RIC3: variants seen among roughly 807,000 people sequenced by gnomAD.
RIC3 encodes protein RIC-3.
A neutral mutation model predicts 27.3 loss-of-function variants in RIC3; 28 were observed. The observed-to-expected ratio is 1.02, with a 90% confidence interval of 0.76 to 1.41. The LOEUF (loss-of-function observed/expected upper bound fraction) is 1.41. RIC3 is among the 40% of genes most tolerant of loss of function. The probability of loss-of-function intolerance (pLI) is 0.00; values close to 1 mark genes in which losing one functional copy is unlikely to be tolerated. For missense variants in RIC3, 501 were observed against 444.7 expected (o/e 1.13, Z -1.14); for synonymous variants, 184 against 160.4 (o/e 1.15, Z -1.11).
At chr11:8,113,383 C>T (rs548474158) in intron 5 of RIC3, among the ~76,000 whole-genome samples, 2 of 152,302 alleles carry the variant, frequency 1.3e-5, no homozygotes, top group South Asian at 2.1e-4. Flanking sequence ...AGTCATAATG[C>T]CTGCACCCAC....
At chr11:8,135,261 T>C (rs537271607) in intron 4 of RIC3, among the ~76,000 whole-genome samples, 1 of 152,356 alleles carries the variant, frequency 6.6e-6, no homozygotes, top group African/African-American at 2.4e-5. Context: ...ATTTCTTGTT[T>C]TTGTCAGGTT....
At position 8,106,556 on chromosome 11, in the gene RIC3, C is replaced by G. The variant is rs905703642; in HGVS notation, c.*4142G>C. 6.6e-6 allele frequency: 1 copy of G among 152,286 alleles called. No individual in the cohort carries two copies. The highest frequency in any genetic ancestry group is 1.5e-5 in the Non-Finnish European group (1 of 68,092). The allele number at this position is 152,286 out of a possible 1,614,324, so 9.4% of individuals were successfully genotyped here. ...AGGGGCTGGTGGTTCCTCAGTATCC[C>G]CTGTGGGCCTGGCCTTAGGAAGAGA... On this transcript the variant is annotated 3_prime_UTR_variant, in exon 6 of 6. Transcript: ENST00000309737.
chr11:8,125,116 T>C (rs1285075972), intron 5 of RIC3, among the ~76,000 whole-genome samples: 2 of 151,858 alleles, frequency 1.3e-5, no homozygotes, highest in Admixed American at 6.6e-5. Flanking sequence ...TAGCCAGGCA[T>C]GGTGGCAGGC....
At chr11:8,125,239 G>C (rs986159419) in intron 5 of RIC3, among the ~76,000 whole-genome samples, 9 of 147,134 alleles carry the variant, frequency 6.1e-5, no homozygotes, top group African/African-American at 1.8e-4. Context: ...GGGTGACAGA[G>C]CAAGACTCTG....
the RIC3 span, chr11:8,097,209 C>T: frequency 6.2e-7 from 1 of 1,613,530 alleles, no homozygotes; most frequent in South Asian, 1.1e-5. Flanking sequence ...GCTCAGGCAC[C>T]TATTCTGCAT....
chr11:8,153,146 G>A (rs947411163), intron 1 of RIC3, among the ~76,000 whole-genome samples: 8 of 152,158 alleles, frequency 5.3e-5, no homozygotes, highest in Non-Finnish European at 1.0e-4. Context: ...GGGATTTGGA[G>A]AGCAATGGAA....
chr11:8,098,355 G>A, the RIC3 span, among the ~76,000 whole-genome samples: 4 of 152,134 alleles, frequency 2.6e-5, no homozygotes, highest in Admixed American at 6.5e-5. Context: ...TGGAGATGGG[G>A]CTGGACTGAG....
At chr11:8,097,491 T>C in the RIC3 span, 1 of 1,602,202 alleles carries the variant, frequency 6.2e-7, no homozygotes, top group Non-Finnish European at 8.5e-7. Context: ...GGGGCTGAAA[T>C]GTGACTGGAA....
the RIC3 span, among the ~76,000 whole-genome samples, chr11:8,098,106 G>A: frequency 1.3e-5 from 2 of 152,150 alleles, no homozygotes; most frequent in East Asian, 1.9e-4. Flanking sequence ...CACTGATAAC[G>A]CAGGCCACCA....
At chr11:8,111,343 A>G (rs1945242262) in intron 5 of RIC3, among the ~76,000 whole-genome samples, 1 of 152,216 alleles carries the variant, frequency 6.6e-6, no homozygotes, top group Admixed American at 6.5e-5. Context: ...TTGAAATACA[A>G]ACTAATTCAG....
intron 5 of RIC3, among the ~76,000 whole-genome samples, chr11:8,122,382 T>C: frequency 6.6e-6 from 1 of 152,076 alleles, no homozygotes; most frequent in East Asian, 1.9e-4. Flanking sequence ...CTCAGCATAA[T>C]TCTCTGGAAA....
At chr11:8,117,325 A>G (rs532367347) in intron 5 of RIC3, among the ~76,000 whole-genome samples, 75 of 152,328 alleles carry the variant, frequency 4.9e-4, no homozygotes, top group Middle Eastern at 3.4e-3. Context: ...TCGGCCTCCC[A>G]AAGTGTTGGG....
chr11:8,095,924 A>G, the RIC3 span, among the ~76,000 whole-genome samples: 2 of 152,174 alleles, frequency 1.3e-5, no homozygotes, highest in African/African-American at 2.4e-5. Context: ...AGTTTCCCAT[A>G]TGTTTGCTGA....
intron 1 of RIC3, among the ~76,000 whole-genome samples, chr11:8,162,263 A>T (rs542746963): frequency 6.6e-6 from 1 of 152,210 alleles, no homozygotes; most frequent in Non-Finnish European, 1.5e-5. Context: ...TCATTTACAC[A>T]AGTCAATAAA....
chr11:8,127,271 C>G (rs979744712), intron 4 of RIC3, among the ~76,000 whole-genome samples: 4 of 152,162 alleles, frequency 2.6e-5, no homozygotes, highest in African/African-American at 7.2e-5. Flanking sequence ...ACTAGAATCA[C>G]CAGGCTTAAT....
chr11:8,116,182 G>C (rs1407995653), intron 5 of RIC3, among the ~76,000 whole-genome samples: 1 of 151,994 alleles, frequency 6.6e-6, no homozygotes, highest in Non-Finnish European at 1.5e-5. Flanking sequence ...AAGGTCAAAG[G>C]ACAATCTCTT....
chr11:8,138,376 A>T, intron 2 of RIC3, 29 bp from the exon 3 acceptor site: 2 of 1,485,438 alleles, frequency 1.3e-6, no homozygotes, highest in Non-Finnish European at 1.9e-6. Flanking sequence ...ATAGCACATC[A>T]ACAGCAGCTC....
At chr11:8,160,893 A>G (rs1951103019) in intron 1 of RIC3, among the ~76,000 whole-genome samples, 1 of 152,248 alleles carries the variant, frequency 6.6e-6, no homozygotes, top group South Asian at 2.1e-4. Context: ...TACTTTTCCA[A>G]TTCCTGGATT....
At chr11:8,132,904 A>C (rs11041759) in intron 4 of RIC3, among the ~76,000 whole-genome samples, 26,710 of 152,176 alleles carry the variant, frequency 0.18, 3,133 homozygotes, top group African/African-American at 0.33. Context: ...GCCACAGAAA[A>C]TGAGGTTAAA....
Sources: gnomAD v4.1 joint callset for allele counts (sites outside exome capture counted in the v4.1 genomes callset) on GRCh38, gnomAD v4.1.1 for gene constraint, MANE v1.5 for transcripts, NCBI Gene and HGNC (gene_info 2026-07-23, HGNC 2026-07-21) for gene names.